The following ANKRD36C variants were observed in gnomAD, a reference collection of about 807,000 sequenced individuals.
ANKRD36C encodes the protein ankyrin repeat domain 36C.
ANKRD36C carries 61 observed loss-of-function variants against 276.4 expected under a neutral mutation model. That is an observed-to-expected ratio of 0.22 (90% confidence interval 0.18 to 0.27). The LOEUF is 0.27. Ranked by LOEUF, ANKRD36C falls within the 10% of genes least tolerant of loss-of-function variation. The pLI is 1.00. For missense variants in ANKRD36C, 1,447 were observed against 2,032.3 expected, an observed-to-expected ratio of 0.71 and a Z score of 5.54; for synonymous variants, 483 against 680.1, an observed-to-expected ratio of 0.71 and a Z score of 4.51.
In ANKRD36C at chr2:95,983,584, C is replaced by CATTTATTT. The variant is rs201816275; in HGVS notation, c.487-1230_487-1223dup. 4.6e-3 allele frequency among the ~76,000 whole-genome samples: 687 copies of CATTTATTT among 148,760 alleles called. 2 individuals carry two copies. Among genetic ancestry groups the CATTTATTT allele is most frequent in the South Asian group, 0.013 (62 of 4,664 alleles). On this transcript the variant is annotated intron_variant, in intron 3 of 66. Coordinates refer to ENST00000456556, the Ensembl canonical transcript of ANKRD36C. ...GTGAAAGCCACTAAATTATTTGCAT[C>CATTTATTT]ATTTATTTATTTATTTATTTATTTA...
At chr2:95,860,586 A>G (rs1288998799) in intron 60 of ANKRD36C, among the ~76,000 whole-genome samples, 1 of 152,254 alleles carries the variant, frequency 6.6e-6, no homozygotes, top group African/African-American at 2.4e-5. Flanking sequence ...CAAAACAGAC[A>G]AAATACATTA....
intron 17 of ANKRD36C, among the ~76,000 whole-genome samples, chr2:95,947,507 T>C (rs1338487780): frequency 6.6e-6 from 1 of 152,150 alleles, no homozygotes; most frequent in Non-Finnish European, 1.5e-5. Context: ...TGGCTCATAG[T>C]AATGCAGGAG....
At chr2:95,917,783 G>T in intron 36 of ANKRD36C, 72 bp downstream of exon 38, 1 of 1,527,050 alleles carries the variant, frequency 6.5e-7, no homozygotes, top group Non-Finnish European at 8.8e-7. Flanking sequence ...GCCCTCCGCT[G>T]ATTTATTCAG....
At chr2:95,980,611 A>C in intron 5 of ANKRD36C, 37 bp downstream of exon 5, 1 of 1,593,532 alleles carries the variant, frequency 6.3e-7, no homozygotes, top group South Asian at 1.1e-5. Context: ...TTAAACTTCA[A>C]TTTAGTGTTC....
intron 6 of ANKRD36C, among the ~76,000 whole-genome samples, chr2:95,965,235 C>A (rs967214396): frequency 6.6e-6 from 1 of 151,972 alleles, no homozygotes; most frequent in African/African-American, 2.4e-5. Flanking sequence ...CACAAACACA[C>A]ACACACATTC....
intron 36 of ANKRD36C, among the ~76,000 whole-genome samples, chr2:95,916,962 T>C (rs1388893036): frequency 1.3e-5 from 2 of 151,646 alleles, no homozygotes; most frequent in East Asian, 3.9e-4. Context: ...GCAATATTCA[T>C]TGAAAATGAC....
At chr2:95,936,255 T>G (rs1573781990) in intron 22 of ANKRD36C, among the ~76,000 whole-genome samples, 1 of 152,424 alleles carries the variant, frequency 6.6e-6, no homozygotes, top group East Asian at 1.9e-4. Flanking sequence ...TTAATCACCT[T>G]TTATATATCA....
intron 59 of ANKRD36C, among the ~76,000 whole-genome samples, chr2:95,868,553 T>C (rs1675730816): frequency 1.3e-5 from 2 of 149,694 alleles, no homozygotes; most frequent in African/African-American, 4.9e-5. Flanking sequence ...AGTATCTGGT[T>C]TGTTGTCGTT....
Position 95,917,940 on chromosome 2 carries a change from T to G in ANKRD36C, c.2275-13A>C, listed in dbSNP as rs774117852. ...CGTCAGTTGTAGCCTGAATGGAATT[T>G]GAAAGAAAATAATAAATAAATAAAT... On this transcript the variant is annotated splice_polypyrimidine_tract_variant and intron_variant, in intron 35 of 66. Transcript: ENST00000456556. 5.6e-6 allele frequency: 9 copies of G among 1,603,076 alleles called. No individual in the cohort carries two copies. The highest frequency in any genetic ancestry group is 1.1e-5 in the South Asian group (1 of 90,176).
chr2:95,990,067 A>G (rs1679106861), intron 1 of ANKRD36C, among the ~76,000 whole-genome samples: 2 of 152,180 alleles, frequency 1.3e-5, no homozygotes. Context: ...ATCGACCTTC[A>G]GAATGTGTGC....
chr2:95,862,309 G>C (rs1675605255), intron 60 of ANKRD36C, among the ~76,000 whole-genome samples: 1 of 151,788 alleles, frequency 6.6e-6, no homozygotes, highest in Admixed American at 6.6e-5. Flanking sequence ...TGAGTCAGAA[G>C]GATTTAAGTC....
chr2:95,910,588 C>T lies in ANKRD36C; in HGVS notation c.2653+1656G>A, dbSNP rs1290683589. The T allele has an allele frequency of 2.1e-5, 34 of 1,604,492 alleles. No individual in the cohort carries two copies. Among genetic ancestry groups the T allele is most frequent in the Non-Finnish European group, 2.8e-5 (33 of 1,176,786 alleles). ...AAGACACTGAAAAGCAAAAGGGATT[C>T]ATAATCACTCATATGTAAATATGAC... On this transcript the variant is annotated intron_variant, in intron 42 of 66. Transcript: ENST00000456556.
chr2:95,889,074 C>T (rs571650349), intron 48 of ANKRD36C, among the ~76,000 whole-genome samples: 2 of 151,642 alleles, frequency 1.3e-5, no homozygotes, highest in South Asian at 4.1e-4. Flanking sequence ...ATTCGTTTAT[C>T]TCAGTTTTAT....
rs370704933 is a variant in ANKRD36C at position 95,985,394 on chromosome 2, T to G, written c.486+1357A>C. Among the ~76,000 whole-genome samples, 19 of 152,316 alleles carry G rather than the reference T, an allele frequency of 1.2e-4. No individual in the cohort carries two copies. The East Asian group carries it at 3.7e-3, about 29-fold the overall frequency. ...GGGAATTTATATTACACTTATCTAT[T>G]CAGTGGTTCTTAACCAGCAGCGTAT... On this transcript the variant is annotated intron_variant, in intron 3 of 66. Coordinates refer to ENST00000456556, the Ensembl canonical transcript of ANKRD36C.
chr2:95,930,492 C>A (rs929704701), intron 24 of ANKRD36C, among the ~76,000 whole-genome samples: 2 of 151,642 alleles, frequency 1.3e-5, no homozygotes, highest in Non-Finnish European at 3.0e-5. Flanking sequence ...TTCCTGGATT[C>A]AGCAGTTCAA....
intron 20 of ANKRD36C, among the ~76,000 whole-genome samples, chr2:95,939,914 G>C: frequency 6.7e-6 from 1 of 148,436 alleles, no homozygotes; most frequent in East Asian, 2.0e-4. Flanking sequence ...CAAAAAAAAA[G>C]TATGCATTAC....
intron 42 of ANKRD36C, among the ~76,000 whole-genome samples, 163 bp downstream of exon 54, chr2:95,902,723 C>G (rs1308579418): frequency 1.3e-5 from 2 of 150,284 alleles, no homozygotes; most frequent in Admixed American, 6.7e-5. Context: ...ATGTTCCAGA[C>G]CAGCATCATC....
chr2:95,884,118 G>C, intron 54 of ANKRD36C, 55 bp downstream of exon 74: 2 of 1,541,066 alleles, frequency 1.3e-6, no homozygotes, highest in Non-Finnish European at 1.8e-6. Flanking sequence ...TTTGGGAAGA[G>C]AAGTTCTTTT....
chr2:95,891,561 A>T, intron 46 of ANKRD36C, 104 bp downstream of exon 66: 1 of 1,368,470 alleles, frequency 7.3e-7, no homozygotes, highest in Admixed American at 2.3e-5. Context: ...GGACTGCTGT[A>T]TCAGAATGTG....
Sources: allele counts gnomAD v4.1 joint callset (sites outside exome capture counted in the v4.1 genomes callset), GRCh38; gene constraint gnomAD v4.1.1; transcripts MANE v1.5; gene names NCBI Gene and HGNC (gene_info 2026-07-23, HGNC 2026-07-21).